Variants in ADGRL2 observed in about 807,000 individuals in gnomAD.
ADGRL2 encodes the protein adhesion G protein-coupled receptor L2.
In ADGRL2, 44 loss-of-function variants were observed where a neutral mutation model predicts 157.4. The observed-to-expected ratio is 0.28, with a 90% CI of 0.22 to 0.36. The LOEUF (loss-of-function observed/expected upper bound fraction) is 0.36, where lower values mean the gene tolerates loss of function less well. Ranked by LOEUF, ADGRL2 falls within the 10% of genes least tolerant of loss-of-function variation. The pLI, the probability that ADGRL2 is intolerant of heterozygous loss-of-function variation, is 1.00. For synonymous variants in ADGRL2, 585 were observed against 624.7 expected (o/e 0.94, Z 0.95); for missense variants, 1,510 against 1,768.9 (o/e 0.85, Z 2.63).
chr1:81,457,556 A>G (rs1403438749), intron 2 of ADGRL2, among the ~76,000 whole-genome samples: 2 of 152,196 alleles, frequency 1.3e-5, no homozygotes, highest in African/African-American at 4.8e-5. Flanking sequence ...ACTAATAACC[A>G]AAGAATTGAA....
At chr1:81,967,416 C>T (rs1400675929) in intron 13 of ADGRL2, among the ~76,000 whole-genome samples, 2 of 152,080 alleles carry the variant, frequency 1.3e-5, no homozygotes, top group South Asian at 2.1e-4. Flanking sequence ...CGTCCTCCAC[C>T]ACGCCTGGCT....
At chr1:81,952,318 T>C (rs1652091151) in intron 9 of ADGRL2, among the ~76,000 whole-genome samples, 176 bp downstream of exon 9, 1 of 152,142 alleles carries the variant, frequency 6.6e-6, no homozygotes, top group African/African-American at 2.4e-5. Context: ...CAATGTGCCC[T>C]GCCCTCCCAA....
intron 19 of ADGRL2, among the ~76,000 whole-genome samples, chr1:81,982,263 A>G (rs1661882233): frequency 6.6e-6 from 1 of 151,974 alleles, no homozygotes; most frequent in Non-Finnish European, 1.5e-5. Context: ...AGGATATACA[A>G]GGTAAAAGAA....
intron 2 of ADGRL2, among the ~76,000 whole-genome samples, chr1:81,477,649 A>G (rs1204792980): frequency 2.0e-5 from 3 of 152,212 alleles, no homozygotes; most frequent in African/African-American, 7.2e-5. Flanking sequence ...TAGTTTATTA[A>G]TCCTGTAAAG....
intron 1 of ADGRL2, among the ~76,000 whole-genome samples, chr1:81,731,358 AT>A (rs2084717531): frequency 6.6e-6 from 1 of 151,956 alleles, no homozygotes; most frequent in Non-Finnish European, 1.5e-5. Flanking sequence ...TAATCTATCA[AT>A]TTTGTACTTA....
chr1:81,506,867 C>T (rs2078985853), intron 2 of ADGRL2, among the ~76,000 whole-genome samples: 1 of 152,174 alleles, frequency 6.6e-6, no homozygotes, highest in South Asian at 2.1e-4. Flanking sequence ...GACCTTCAAC[C>T]CCTTTCCTCT....
At chr1:81,353,142 A>C (rs1663033664) in intron 1 of ADGRL2, among the ~76,000 whole-genome samples, 1 of 152,274 alleles carries the variant, frequency 6.6e-6, no homozygotes, top group African/African-American at 2.4e-5. Flanking sequence ...TTATATCTCA[A>C]AATTTGCACC....
chr1:81,422,246 CAA>C (rs1352255371), intron 1 of ADGRL2, among the ~76,000 whole-genome samples: 2 of 151,816 alleles, frequency 1.3e-5, no homozygotes, highest in Non-Finnish European at 2.9e-5. Context: ...TTTTATCATA[CAA>C]ACAATTTTTT....
chr1:81,674,757 G>A (rs2082951625), intron 3 of ADGRL2, among the ~76,000 whole-genome samples: 1 of 152,088 alleles, frequency 6.6e-6, no homozygotes, highest in Non-Finnish European at 1.5e-5. Context: ...CCAAGGGTAG[G>A]CCTCATGGAA....
At chr1:81,395,253 G>A (rs1350301144) in intron 1 of ADGRL2, among the ~76,000 whole-genome samples, 2 of 151,936 alleles carry the variant, frequency 1.3e-5, no homozygotes, top group Non-Finnish European at 2.9e-5. Flanking sequence ...ATCTCATTGT[G>A]GTTTTGATTT....
At chr1:81,363,065 C>A (rs972886092) in intron 1 of ADGRL2, among the ~76,000 whole-genome samples, 44 of 152,106 alleles carry the variant, frequency 2.9e-4, no homozygotes, top group Admixed American at 3.9e-4. Context: ...TATACACTTA[C>A]TATCTATGTT....
intron 2 of ADGRL2, among the ~76,000 whole-genome samples, chr1:81,534,260 G>A (rs2079678733): frequency 6.6e-6 from 1 of 152,058 alleles, no homozygotes; most frequent in Non-Finnish European, 1.5e-5. Flanking sequence ...CTCCCAGGTT[G>A]AAGTGATTCT....
chr1:81,477,541 G>A (rs72940982), intron 2 of ADGRL2, among the ~76,000 whole-genome samples: 140 of 152,232 alleles, frequency 9.2e-4, no homozygotes, highest in African/African-American at 3.2e-3. Flanking sequence ...GTTGCAAAAG[G>A]ATCTTTTGGA....
At chr1:81,755,157 T>TAC (rs1352341746) in intron 1 of ADGRL2, among the ~76,000 whole-genome samples, 1 of 146,160 alleles carries the variant, frequency 6.8e-6, no homozygotes, top group Non-Finnish European at 1.5e-5. Context: ...TTTATATATA[T>TAC]ATATATATTT....
chr1:81,891,465 G>C (rs1016319502), intron 2 of ADGRL2, among the ~76,000 whole-genome samples: 8 of 152,196 alleles, frequency 5.3e-5, no homozygotes, highest in South Asian at 2.1e-4. Context: ...ATATGATGCT[G>C]TCTGTTTTAA....
At position 81,364,210 on chromosome 1, in the gene ADGRL2, A is replaced by ATT. The variant is rs11435381; in HGVS notation, c.-302+57712_-302+57713dup. On this transcript the variant is annotated intron_variant, in intron 1 of 24. Coordinates refer to the ADGRL2 transcript ENST00000370721. ...GAAGGTTGAGCCTTGAAAGTTTTCCATTTTTTTTTTTTATGGCTTTGCCTT... is the reference window on the plus strand; with the variant it reads ...GAAGGTTGAGCCTTGAAAGTTTTCCATTTTTTTTTTTTTTATGGCTTTGCCTT... Among the ~76,000 whole-genome samples, 661 of 147,532 alleles carry ATT rather than the reference A, an allele frequency of 4.5e-3. 1 individual carries two copies. The highest frequency in any genetic ancestry group is 4.4e-3 in the Non-Finnish European group (297 of 66,746).
chr1:81,437,842 G>A (rs2077436812), intron 1 of ADGRL2, among the ~76,000 whole-genome samples: 1 of 152,160 alleles, frequency 6.6e-6, no homozygotes, highest in Non-Finnish European at 1.5e-5. Flanking sequence ...AATGTGTACA[G>A]AGAATATAAA....
chr1:81,316,474 G>A (rs147714844), intron 1 of ADGRL2, among the ~76,000 whole-genome samples: 4 of 152,258 alleles, frequency 2.6e-5, no homozygotes, highest in African/African-American at 9.6e-5. Context: ...AATGATTAAA[G>A]TTGGATATAT....
chr1:81,408,353 A>G lies in ADGRL2; in HGVS notation c.-301-36683A>G, dbSNP rs1324172532. On this transcript the variant is annotated intron_variant, in intron 1 of 24. Coordinates refer to the ADGRL2 transcript ENST00000370721. Reference sequence around the variant, plus strand: ...ATTTCTTCCTATTTCTTCTCATAGTAGGTAGCATCCTTTATTAAATGGGTC... The same window carrying G: ...ATTTCTTCCTATTTCTTCTCATAGTGGGTAGCATCCTTTATTAAATGGGTC... Among the ~76,000 whole-genome samples the G allele has an allele frequency of 3.3e-5, 5 of 152,280 alleles. No homozygotes were observed. The East Asian group carries it at 9.6e-4, about 29-fold the overall frequency.
Sources: gnomAD v4.1 joint callset for allele counts (sites outside exome capture counted in the v4.1 genomes callset) on GRCh38, gnomAD v4.1.1 for gene constraint, MANE v1.5 for transcripts, NCBI Gene and HGNC (gene_info 2026-07-23, HGNC 2026-07-21) for gene names.